ANAPC7: variants seen among roughly 807,000 people sequenced by gnomAD.
ANAPC7 encodes the protein anaphase promoting complex subunit 7.
ANAPC7 carries 25 observed loss-of-function variants against 63.3 expected under a neutral mutation model. The observed-to-expected ratio is 0.39, with a 90% CI of 0.29 to 0.55. The LOEUF is 0.55. ANAPC7 is among the 20% of genes least tolerant of loss of function. The pLI is 0.57. For synonymous variants in ANAPC7, 241 were observed against 251.7 expected (o/e 0.96, Z 0.40); for missense variants, 516 against 691.7 (o/e 0.75, Z 2.85).
At position 110,388,559 on chromosome 12, in the gene ANAPC7, T is replaced by C. The variant is rs1261925005; in HGVS notation, c.473A>G (p.Tyr158Cys). The C allele has an allele frequency of 6.2e-7, 1 of 1,614,188 alleles. No homozygotes were observed. Among genetic ancestry groups the C allele is most frequent in the South Asian group, 1.1e-5 (1 of 91,086 alleles). Residue 158 changes from tyrosine (Y) to cysteine (C), a missense_variant, in exon 4 of 11, where the codon TAT becomes TGT. Transcript: ENST00000455511. ...AGQERPSVTS[Y>C]KEVLRQCPLA... ...TGGGCACTGCCTCAGCACCTCCTTA[T>C]AGCTGGTGACTGAAGGGCGCTCCTG...
intron 8 of ANAPC7, chr12:110,377,878 G>A: frequency 7.7e-7 from 1 of 1,290,444 alleles, no homozygotes; most frequent in Non-Finnish European, 1.0e-6. Flanking sequence ...CACATGTAAG[G>A]AACCTGCAGC....
intron 6 of ANAPC7, among the ~76,000 whole-genome samples, chr12:110,383,875 C>CAAAAAAAAAAAAAAA (rs1159374781): frequency 2.0e-5 from 1 of 50,668 alleles, no homozygotes; most frequent in African/African-American, 6.8e-5. Context: ...GACTCCGTCT[C>CAAAAAAAAAAAAAAA]AAAAAAAAAA....
rs1431691625 is a variant in ANAPC7 at position 110,402,353 on chromosome 12, G to A, written c.101+1174C>T. On this transcript the variant is annotated intron_variant, in intron 1 of 10. Transcript: ENST00000455511. The stretch of plus-strand genomic sequence containing the variant: ...AAGGATTTTTTTTTTTTTTTGAGAC[G>A]GAGTCTCGCTCTGTCGTCCAGGCTG... 2.7e-5 allele frequency among the ~76,000 whole-genome samples: 4 copies of A among 149,162 alleles called. No homozygotes were observed. The East Asian group carries it at 5.8e-4, about 22-fold the overall frequency.
chr12:110,402,090 G>A (rs1471145838), intron 1 of ANAPC7, among the ~76,000 whole-genome samples: 3 of 150,938 alleles, frequency 2.0e-5, no homozygotes, highest in African/African-American at 4.8e-5. Flanking sequence ...CAGGAGGATC[G>A]CTTGAACCCA....
intron 3 of ANAPC7, among the ~76,000 whole-genome samples, chr12:110,394,311 T>G (rs912332202): frequency 6.6e-6 from 1 of 151,054 alleles, no homozygotes; most frequent in Non-Finnish European, 1.5e-5. Context: ...GGCAACACAG[T>G]GGAACCTTAT....
rs1331940467 is a variant in ANAPC7 at position 110,373,141 on chromosome 12, C to T, written c.*1003G>A. ...AAGGGAGAGGGTGTGGGAAGAAACT[C>T]CCAGCCCCAGAGCTCAGGGTGTGAT... On this transcript the variant is annotated 3_prime_UTR_variant, in exon 11 of 11. Coordinates refer to ENST00000455511, the MANE Select transcript of ANAPC7 (RefSeq NM_016238.3). 1 of 152,074 alleles carries T rather than the reference C, an allele frequency of 6.6e-6. No individual in the cohort carries two copies. The highest frequency in any genetic ancestry group is 6.6e-5 in the Admixed American group (1 of 15,262). 9.4% of individuals were successfully genotyped at this position (152,074 alleles called of 1,614,324 possible). A position where few individuals can be genotyped will look rare whatever the true frequency, so the allele number is the denominator to read the frequency against.
In ANAPC7 at chr12:110,387,583, T is replaced by TTGGGACC. The variant is rs1463071585; in HGVS notation, c.674+149_674+155dup. 1.0e-5 allele frequency: 8 copies of TTGGGACC among 791,692 alleles called. No homozygotes were observed. In the African/African-American group the frequency reaches 1.4e-4, roughly 14 times the overall value. The allele number at this position is 791,692 out of a possible 1,614,324, so 49.0% of individuals were successfully genotyped here. The stretch of plus-strand genomic sequence containing the variant: ...AACAGAGATGATTACATGATTACAT[T>TTGGGACC]TGGGACCATTCAGTATAAAAGACTA... On this transcript the variant is annotated intron_variant, in intron 5 of 10. Coordinates refer to ENST00000455511, the MANE Select transcript of ANAPC7 (RefSeq NM_016238.3).
In ANAPC7 at chr12:110,388,576, G is replaced by A; in HGVS notation, c.456C>T (p.Arg152=). The A allele has an allele frequency of 6.2e-7, 1 of 1,614,164 alleles. No individual in the cohort carries two copies. Among genetic ancestry groups the A allele is most frequent in the Non-Finnish European group, 8.5e-7 (1 of 1,180,044 alleles). ...CCTCCTTATAGCTGGTGACTGAAGG[G>A]CGCTCCTGACCAGCCTTCTTGTACA... ...ANLYKKAGQE[R]PSVTSYKEVL... The change falls in exon 4 of 11, where the codon CGC becomes CGT. Residue 152 remains arginine (R), a synonymous_variant. Coordinates refer to ENST00000455511, the MANE Select transcript of ANAPC7 (RefSeq NM_016238.3).
chr12:110,395,029 CA>C, intron 3 of ANAPC7, 71 bp downstream of exon 3: 1 of 1,532,800 alleles, frequency 6.5e-7, no homozygotes, highest in Non-Finnish European at 8.8e-7. Context: ...CTCCTTAATG[CA>C]TGAGAAAACA....
intron 1 of ANAPC7, among the ~76,000 whole-genome samples, chr12:110,403,108 C>T (rs1324604756): frequency 6.6e-6 from 1 of 152,124 alleles, no homozygotes; most frequent in Non-Finnish European, 1.5e-5. Context: ...GGGGACCAAT[C>T]TCAGATGCGG....
At chr12:110,386,506 T>C (rs1882464879) in intron 5 of ANAPC7, 37 bp from the exon 6 acceptor site, 2 of 1,551,384 alleles carry the variant, frequency 1.3e-6, no homozygotes, top group Non-Finnish European at 1.8e-6. Context: ...CCTTTAAATC[T>C]ATTATAAATC....
In ANAPC7 at chr12:110,376,200, A is replaced by G; in HGVS notation, c.1374T>C (p.Tyr458=). Reference sequence around the variant, plus strand: ...TCCTCAGCAAAGCAATTCCATCTTCATATTTCTGTTCTCTGCCTGGGGGAA... The same window carrying G: ...TCCTCAGCAAAGCAATTCCATCTTCGTATTTCTGTTCTCTGCCTGGGGGAA... ...KAELLSREQK[Y]EDGIALLRNA... The change falls in exon 10 of 11, where the codon TAT becomes TAC. Residue 458 remains tyrosine, a synonymous_variant. Coordinates refer to ENST00000455511, the MANE Select transcript of ANAPC7 (RefSeq NM_016238.3). 2 of 1,614,102 alleles carry G rather than the reference A, an allele frequency of 1.2e-6. No homozygotes were observed. Among genetic ancestry groups the G allele is most frequent in the African/African-American group, 1.3e-5 (1 of 75,034 alleles).
chr12:110,380,607 T>A (rs1881731833), intron 8 of ANAPC7, among the ~76,000 whole-genome samples: 1 of 134,260 alleles, frequency 7.4e-6, no homozygotes, highest in Admixed American at 8.0e-5. Flanking sequence ...GCCAAGATCA[T>A]GCCACTGCAC....
intron 10 of ANAPC7, 154 bp downstream of exon 10, chr12:110,375,912 T>C (rs989618100): frequency 1.5e-6 from 2 of 1,307,210 alleles, no homozygotes; most frequent in East Asian, 2.8e-5. Flanking sequence ...TTAGAAGTCA[T>C]GAATTCACAA....
At chr12:110,389,842 G>A (rs1465111358) in intron 3 of ANAPC7, among the ~76,000 whole-genome samples, 1 of 151,772 alleles carries the variant, frequency 6.6e-6, no homozygotes, top group East Asian at 2.0e-4. Context: ...TGAGGAAGGA[G>A]AATGACGTGA....
intron 2 of ANAPC7, among the ~76,000 whole-genome samples, chr12:110,395,642 G>C (rs1034181065): frequency 6.6e-6 from 1 of 151,414 alleles, no homozygotes; most frequent in African/African-American, 2.4e-5. Flanking sequence ...ACCCAGGCTG[G>C]TGTCTCCTGC....
intron 3 of ANAPC7, among the ~76,000 whole-genome samples, chr12:110,389,058 G>A (rs977023143): frequency 3.4e-5 from 5 of 148,452 alleles, no homozygotes; most frequent in African/African-American, 1.3e-4. Flanking sequence ...CTCCAGCCTG[G>A]GCTACAGAGT....
chr12:110,395,039 C>T (rs574162282), intron 3 of ANAPC7, 62 bp downstream of exon 3: 2 of 1,557,228 alleles, frequency 1.3e-6, no homozygotes, highest in South Asian at 2.4e-5. Context: ...CATGAGAAAA[C>T]ATGGAGAGAG....
In ANAPC7 at chr12:110,377,460, T is replaced by C. The variant is rs138657867; in HGVS notation, c.1290A>G (p.Leu430=). ...GCCTTTGGGTCAGGGCTTTATCTAA[T>C]AATGTTTTGGCTTTCTCCTGTGTCA... is the stretch of plus-strand genomic sequence containing the variant. ...DPVTQEKAKT[L]LDKALTQRPD... The change falls in exon 9 of 11, where the codon TTA becomes TTG. Residue 430 remains leucine (L), a synonymous_variant. Transcript: ENST00000455511. The C allele has an allele frequency of 1.2e-4, 191 of 1,614,220 alleles. No homozygotes were observed. The African/African-American group carries it at 1.4e-3, about 12-fold the overall frequency.
Sources: gnomAD v4.1 joint callset for allele counts (sites outside exome capture counted in the v4.1 genomes callset) on GRCh38, gnomAD v4.1.1 for gene constraint, MANE v1.5 for transcripts, NCBI Gene and HGNC (gene_info 2026-07-23, HGNC 2026-07-21) for gene names.